Variants in UBE3C observed in about 807,000 individuals in gnomAD.
UBE3C encodes ubiquitin-protein ligase E3C.
In UBE3C, 42 loss-of-function variants were observed where a neutral mutation model predicts 129.4. The ratio of observed to expected loss-of-function variants is 0.32; its 90% CI spans 0.25 to 0.42. UBE3C has a LOEUF of 0.42. Among genes scored for constraint, UBE3C ranks in the 10% least tolerant of loss-of-function variants. The pLI, the probability that UBE3C is intolerant of heterozygous loss-of-function variation, is 1.00. For synonymous variants in UBE3C, 510 were observed against 492.4 expected, an observed-to-expected ratio of 1.04 and a Z score of -0.47; for missense variants, 1,049 against 1,319.1, an observed-to-expected ratio of 0.80 and a Z score of 3.17.
intron 1 of UBE3C, among the ~76,000 whole-genome samples, chr7:157,152,364 G>T (rs1004547944): frequency 2.0e-5 from 3 of 152,236 alleles, no homozygotes; most frequent in Admixed American, 6.5e-5. Context: ...AGAGATGCGT[G>T]GGGGGCAGTT....
intron 8 of UBE3C, among the ~76,000 whole-genome samples, chr7:157,182,536 A>T (rs1331414849): frequency 1.3e-5 from 2 of 152,170 alleles, no homozygotes; most frequent in Non-Finnish European, 2.9e-5. Flanking sequence ...TATGTGTCTT[A>T]TGAGGCCACA....
At chr7:157,172,424 A>G (rs1210361851) in intron 4 of UBE3C, among the ~76,000 whole-genome samples, 1 of 152,244 alleles carries the variant, frequency 6.6e-6, no homozygotes, top group Non-Finnish European at 1.5e-5. Flanking sequence ...AGTGAAAAAT[A>G]AGTCTTCCTC....
chr7:157,224,486 G>A (rs1262223102), intron 16 of UBE3C, among the ~76,000 whole-genome samples: 1 of 152,058 alleles, frequency 6.6e-6, no homozygotes, highest in Non-Finnish European at 1.5e-5. Flanking sequence ...GAGCCACCGC[G>A]CCCAGCCACT....
At chr7:157,223,110 C>G in intron 15 of UBE3C, 144 bp from the exon 16 acceptor site, 1 of 782,700 alleles carries the variant, frequency 1.3e-6, no homozygotes, top group Non-Finnish European at 2.1e-6. Context: ...ATGGGTCTGC[C>G]TGAGGCGGGG....
intron 1 of UBE3C, among the ~76,000 whole-genome samples, chr7:157,152,557 C>T (rs1482374281): frequency 1.3e-5 from 2 of 152,122 alleles, no homozygotes; most frequent in African/African-American, 4.8e-5. Context: ...TATTTGTTCT[C>T]CTGCAGGGCA....
At chr7:157,239,725 T>G (rs568212124) in intron 18 of UBE3C, among the ~76,000 whole-genome samples, 3 of 152,276 alleles carry the variant, frequency 2.0e-5, no homozygotes, top group Non-Finnish European at 4.4e-5. Context: ...TATTTGCTGC[T>G]GGAAATAAGT....
At chr7:157,209,271 A>T (rs1260028519) in intron 13 of UBE3C, among the ~76,000 whole-genome samples, 2 of 152,222 alleles carry the variant, frequency 1.3e-5, no homozygotes, top group Non-Finnish European at 2.9e-5. Flanking sequence ...TAGGAGCATG[A>T]GCATTAGCAG....
At chr7:157,196,029 G>T (rs1042582046) in intron 10 of UBE3C, among the ~76,000 whole-genome samples, 1 of 152,192 alleles carries the variant, frequency 6.6e-6, no homozygotes, top group African/African-American at 2.4e-5. Context: ...GATAAGCCCA[G>T]ATTATGCAAT....
intron 13 of UBE3C, among the ~76,000 whole-genome samples, chr7:157,208,355 C>A (rs1032107736): frequency 6.6e-6 from 1 of 151,826 alleles, no homozygotes; most frequent in Non-Finnish European, 1.5e-5. Flanking sequence ...GGATTATAGG[C>A]GTGAGCCACT....
chr7:157,224,026 T>C (rs1197300125), intron 16 of UBE3C, among the ~76,000 whole-genome samples: 1 of 152,016 alleles, frequency 6.6e-6, no homozygotes, highest in Admixed American at 6.6e-5. Flanking sequence ...TTTTTTTTTC[T>C]GAGACAGGAT....
chr7:157,145,182 A>G (rs1432779535), intron 1 of UBE3C, among the ~76,000 whole-genome samples: 2 of 152,114 alleles, frequency 1.3e-5, no homozygotes, highest in Non-Finnish European at 2.9e-5. Context: ...TGGAGGTTGC[A>G]GTGAGCCTGG....
At position 157,268,134 on chromosome 7, in the gene UBE3C, G is replaced by A; in HGVS notation, c.*379G>A. The A allele has an allele frequency of 6.2e-6, 1 of 161,054 alleles. No homozygotes were observed. Among genetic ancestry groups the A allele is most frequent in the Non-Finnish European group, 1.4e-5 (1 of 74,046 alleles). The allele number at this position is 161,054 out of a possible 1,614,324, so 10.0% of individuals were successfully genotyped here. ...AGCGCCACTCCAGGGTTCAGACAGGGCTGCACAGGCGGCAGAGATACAGGG... is the reference window on the plus strand; with the variant it reads ...AGCGCCACTCCAGGGTTCAGACAGGACTGCACAGGCGGCAGAGATACAGGG... On this transcript the variant is annotated 3_prime_UTR_variant, in exon 23 of 23. Coordinates refer to ENST00000348165, the MANE Select transcript of UBE3C (RefSeq NM_014671.3).
intron 1 of UBE3C, among the ~76,000 whole-genome samples, chr7:157,149,197 C>G (rs1586643060): frequency 6.6e-6 from 1 of 152,228 alleles, no homozygotes; most frequent in Non-Finnish European, 1.5e-5. Flanking sequence ...GCTGGGATTA[C>G]AGGTGCCTGC....
At chr7:157,153,520 C>T (rs59177688) in intron 1 of UBE3C, among the ~76,000 whole-genome samples, 2,059 of 152,074 alleles carry the variant, frequency 0.014, 39 homozygotes, top group African/African-American at 0.047. Context: ...GGTCTTGAAC[C>T]GAGCTCAATT....
chr7:157,186,765 A>C, intron 9 of UBE3C, 69 bp from the exon 10 acceptor site: 1 of 1,540,630 alleles, frequency 6.5e-7, no homozygotes. Flanking sequence ...GATTTCGTAT[A>C]TGTTTGTAGT....
At chr7:157,219,032 A>G (rs891517622) in intron 14 of UBE3C, among the ~76,000 whole-genome samples, 6 of 152,232 alleles carry the variant, frequency 3.9e-5, no homozygotes, top group Non-Finnish European at 8.8e-5. Context: ...TTTGCATAGA[A>G]GTATTCCAGC....
At chr7:157,141,250 T>C (rs1262916125) in intron 1 of UBE3C, among the ~76,000 whole-genome samples, 1 of 152,118 alleles carries the variant, frequency 6.6e-6, no homozygotes, top group African/African-American at 2.4e-5. Context: ...TATGTACAGC[T>C]TGAAGGATTT....
Position 157,176,125 on chromosome 7 carries a change from T to G in UBE3C, c.458+1091T>G, listed in dbSNP as rs6970923. Among the ~76,000 whole-genome samples, 293 of 152,282 alleles carry G rather than the reference T, an allele frequency of 1.9e-3. 3 individuals carry two copies. Among genetic ancestry groups the G allele is most frequent in the African/African-American group, 6.4e-3 (268 of 41,552 alleles). On this transcript the variant is annotated intron_variant, in intron 5 of 22. Transcript: ENST00000348165. ...TTTTGATACATGATATATGTAAATA[T>G]AATTATTCTTTTCCCAACTTTTATT...
At chr7:157,218,322 A>G (rs1225732980) in intron 14 of UBE3C, among the ~76,000 whole-genome samples, 3 of 151,762 alleles carry the variant, frequency 2.0e-5, no homozygotes, top group Non-Finnish European at 4.4e-5. Flanking sequence ...GTGTGCGCCT[A>G]TAGTCCCAGC....
Sources: gnomAD v4.1 joint callset for allele counts (sites outside exome capture counted in the v4.1 genomes callset) on GRCh38, gnomAD v4.1.1 for gene constraint, MANE v1.5 for transcripts, NCBI Gene and HGNC (gene_info 2026-07-23, HGNC 2026-07-21) for gene names.